Variants in AXIN2 observed in about 807,000 individuals in gnomAD.
AXIN2 encodes the protein axin-2.
In AXIN2, 21 loss-of-function variants were observed where a neutral mutation model predicts 74.7. That is an observed-to-expected ratio of 0.28 (90% CI 0.20 to 0.40). AXIN2 has a LOEUF of 0.40. AXIN2 is among the 10% of genes least tolerant of loss of function. AXIN2 has a pLI of 1.00. For synonymous variants in AXIN2, 532 were observed against 454.9 expected, an observed-to-expected ratio of 1.17 and a Z score of -2.16; for missense variants, 1,144 against 1,111.1, an observed-to-expected ratio of 1.03 and a Z score of -0.42.
rs758769942 is a variant in AXIN2 at position 65,557,879 on chromosome 17, C to A, written c.742G>T (p.Val248Phe). The change falls in exon 2 of 11, where the codon GTT becomes TTT. Residue 248 changes from valine (V) to phenylalanine (F), a missense_variant. By Grantham distance (50) the Val-to-Phe change is conservative. Coordinates refer to ENST00000307078, the MANE Select transcript of AXIN2 (RefSeq NM_004655.4). ...CTCAGAGTTTTGCTGGACAAGCCAA[C>A]CACGGTTGGCGAAAGTTTGCACTTG... Reference protein sequence around the residue: ...DFKCKLSPTVVGLSSKTLRAT... With the variant: ...DFKCKLSPTVFGLSSKTLRAT... The A allele has an allele frequency of 1.2e-6, 2 of 1,614,214 alleles. No individual in the cohort carries two copies. The highest frequency in any genetic ancestry group is 2.2e-5 in the South Asian group (2 of 91,082).
In AXIN2 at chr17:65,538,063, CA is replaced by C. The variant is rs2043971057; in HGVS notation, c.1200+139del. 3 of 1,488,328 alleles carry C rather than the reference CA, an allele frequency of 2.0e-6. No individual in the cohort carries two copies. The Admixed American group carries it at 5.8e-5, about 29-fold the overall frequency. The allele number at this position is 1,488,328 out of a possible 1,614,324, so 92.2% of individuals were successfully genotyped here. A position where few individuals can be genotyped will look rare whatever the true frequency, so the allele number is the denominator to read the frequency against. ...TGCGCACACAGCCCACGCCCAGGCA[CA>C]CACCCACACGCAGCCCACGCGCATG... On this transcript the variant is annotated intron_variant, in intron 5 of 10. Transcript: ENST00000307078.
In AXIN2 at chr17:65,528,642, G is replaced by C. The variant is rs1319756114; in HGVS notation, c.*1334C>G. On this transcript the variant is annotated 3_prime_UTR_variant, in exon 11 of 11. Transcript: ENST00000307078. ...TTGTACCAAGTAATTTTCCTTAAAT[G>C]AACTCTTTATAATGCATAATTTACA... 2.0e-6 allele frequency: 1 copy of C among 511,558 alleles called. No individual in the cohort carries two copies. The highest frequency in any genetic ancestry group is 1.6e-5 in the South Asian group (1 of 61,974). 31.7% of individuals were successfully genotyped at this position (511,558 alleles called of 1,614,324 possible).
chr17:65,534,196 A>G (rs1023922411), intron 9 of AXIN2, 117 bp from the exon 10 acceptor site: 62 of 1,314,424 alleles, frequency 4.7e-5, no homozygotes, highest in Non-Finnish European at 6.4e-5. Flanking sequence ...CTAGGGCTGC[A>G]ATTGTAAACC....
At chr17:65,538,126 ACC>A in intron 5 of AXIN2, 75 bp downstream of exon 5, 1 of 1,603,658 alleles carries the variant, frequency 6.2e-7, no homozygotes, top group Non-Finnish European at 8.5e-7. Context: ...ACCCTAACGC[ACC>A]CCATGCACAT....
At chr17:65,536,815 C>A in intron 7 of AXIN2, 54 bp downstream of exon 7, 2 of 1,608,698 alleles carry the variant, frequency 1.2e-6, no homozygotes, top group Non-Finnish European at 1.7e-6. Flanking sequence ...CACAATACCT[C>A]CGTACTGAGT....
chr17:65,537,211 G>T, intron 6 of AXIN2, 113 bp downstream of exon 6: 1 of 1,560,270 alleles, frequency 6.4e-7, no homozygotes, highest in Non-Finnish European at 8.8e-7. Flanking sequence ...CGTGCACTCT[G>T]CCGCCCTCTT....
chr17:65,530,232 G>T, intron 10 of AXIN2, 130 bp from the exon 11 acceptor site: 1 of 1,238,168 alleles, frequency 8.1e-7, no homozygotes, highest in Non-Finnish European at 1.2e-6. Flanking sequence ...GTACACTGTT[G>T]CGCACATCTG....
At position 65,529,940 on chromosome 17, in the gene AXIN2, G is replaced by C. The variant is rs200276310; in HGVS notation, c.*36C>G. ...AGCCAAGACAGTTCACAAGAGCTTC[G>C]GGCTCCAACAGTTCACCAAAGCCAG... On this transcript the variant is annotated 3_prime_UTR_variant, in exon 11 of 11. Transcript: ENST00000307078. The C allele has an allele frequency of 3.7e-6, 6 of 1,613,644 alleles. No homozygotes were observed. The highest frequency in any genetic ancestry group is 5.1e-6 in the Non-Finnish European group (6 of 1,179,872).
At chr17:65,545,853 C>T (rs959121326) in intron 3 of AXIN2, among the ~76,000 whole-genome samples, 2 of 152,174 alleles carry the variant, frequency 1.3e-5, no homozygotes, top group Non-Finnish European at 2.9e-5. Context: ...ACTCAGGCCC[C>T]GGCATGTGGC....
At chr17:65,553,212 C>T (rs186655587) in intron 2 of AXIN2, among the ~76,000 whole-genome samples, 30 of 152,274 alleles carry the variant, frequency 2.0e-4, no homozygotes, top group East Asian at 3.9e-4. Flanking sequence ...CACGAATCTC[C>T]GACGCTGAAA....
rs1172725544 is a variant in AXIN2 at position 65,538,037 on chromosome 17, A to G, written c.1200+166T>C. On this transcript the variant is annotated intron_variant, in intron 5 of 10. Coordinates refer to ENST00000307078, the MANE Select transcript of AXIN2 (RefSeq NM_004655.4). ...GCACACCCACACGCAACCCATGCAC[A>G]TGCGCACACAGCCCACGCCCAGGCA... 3 of 1,386,348 alleles carry G rather than the reference A, an allele frequency of 2.2e-6. No homozygotes were observed. The African/African-American group carries it at 4.3e-5, about 20-fold the overall frequency. The allele number at this position is 1,386,348 out of a possible 1,614,324, so 85.9% of individuals were successfully genotyped here.
At chr17:65,560,567 C>G (rs898599836) in intron 1 of AXIN2, 2 of 152,244 alleles carry the variant, frequency 1.3e-5, no homozygotes, top group South Asian at 4.1e-4. Flanking sequence ...CCCTCTCCGC[C>G]CCCGCCACTG....
intron 3 of AXIN2, among the ~76,000 whole-genome samples, chr17:65,546,908 GC>G (rs1335080665): frequency 5.3e-5 from 8 of 152,138 alleles, no homozygotes; most frequent in African/African-American, 1.9e-4. Context: ...TATCTACTGT[GC>G]CCCAAAGAGA....
At chr17:65,547,348 G>A (rs1198840217) in intron 3 of AXIN2, among the ~76,000 whole-genome samples, 1 of 152,216 alleles carries the variant, frequency 6.6e-6, no homozygotes, top group Non-Finnish European at 1.5e-5. Context: ...GCTCATGCCT[G>A]GGGGAAGGGC....
intron 1 of AXIN2, chr17:65,559,333 C>G (rs1368670482): frequency 7.2e-6 from 1 of 139,544 alleles, no homozygotes; most frequent in Non-Finnish European, 1.5e-5. Context: ...AAGATCCTGG[C>G]CCAAGAGAAG....
intron 3 of AXIN2, 44 bp downstream of exon 3, chr17:65,549,476 T>G: frequency 6.2e-7 from 1 of 1,609,780 alleles, no homozygotes; most frequent in Non-Finnish European, 8.5e-7. Flanking sequence ...TCAGGTGGCA[T>G]CCACTCCCAA....
intron 10 of AXIN2, 101 bp downstream of exon 10, chr17:65,533,811 T>G: frequency 4.2e-6 from 2 of 472,458 alleles, no homozygotes; most frequent in Non-Finnish European, 8.6e-6. Context: ...CCTCCCACCC[T>G]GCCCCACCTA....
In AXIN2 at chr17:65,537,408, C is replaced by A. The variant is rs749312775; in HGVS notation, c.1628G>T (p.Cys543Phe). Residue 543 changes from cysteine (C) to phenylalanine (F), a missense_variant, in exon 6 of 11, where the codon TGC (cysteine) becomes TTC (phenylalanine). Transcript: ENST00000307078. ...GCAGTAATACTCGCTGCCCCCAGGG[C>A]AGAAGCAGTGCACCCGCTGCGTGGC... ...AEATQRVHCF[C>F]PGGSEYYCYS... 5.3e-5 allele frequency: 85 copies of A among 1,613,952 alleles called. No homozygotes were observed. Among genetic ancestry groups the A allele is most frequent in the Non-Finnish European group, 6.9e-5 (82 of 1,180,034 alleles).
intron 2 of AXIN2, among the ~76,000 whole-genome samples, chr17:65,554,514 C>T (rs768273833): frequency 6.6e-6 from 1 of 152,280 alleles, no homozygotes; most frequent in East Asian, 1.9e-4. Flanking sequence ...TCTTAGCAAA[C>T]TGCCCTCACC....
Sources: allele counts gnomAD v4.1 joint callset (sites outside exome capture counted in the v4.1 genomes callset), GRCh38; gene constraint gnomAD v4.1.1; transcripts MANE v1.5; gene names NCBI Gene and HGNC (gene_info 2026-07-23, HGNC 2026-07-21).